Variants in PTPRM observed in about 807,000 individuals in gnomAD.
PTPRM encodes protein tyrosine phosphatase receptor type M.
A neutral mutation model predicts 186.7 loss-of-function variants in PTPRM; 47 were observed. The observed-to-expected ratio is 0.25, with a 90% CI of 0.20 to 0.32. The LOEUF is 0.32. PTPRM is among the 10% of genes least tolerant of loss of function. The probability of loss-of-function intolerance (pLI) is 1.00; values close to 1 mark genes in which losing one functional copy is unlikely to be tolerated. For synonymous variants in PTPRM, 668 were observed against 674.9 expected (o/e 0.99, Z 0.16); for missense variants, 1,494 against 1,865.0 (o/e 0.80, Z 3.66).
intron 2 of PTPRM, among the ~76,000 whole-genome samples, chr18:7,807,529 C>T (rs1447374818): frequency 6.6e-6 from 1 of 152,172 alleles, no homozygotes; most frequent in Non-Finnish European, 1.5e-5. Context: ...TAAGGGATTT[C>T]TGGATGTCTA....
intron 8 of PTPRM, among the ~76,000 whole-genome samples, chr18:8,070,817 A>G (rs2089428195): frequency 6.6e-6 from 1 of 152,222 alleles, no homozygotes; most frequent in South Asian, 2.1e-4. Context: ...ATGTAGGAAG[A>G]CCATTAAACG....
intron 23 of PTPRM, among the ~76,000 whole-genome samples, chr18:8,344,474 A>ATATC (rs1318982857): frequency 1.7e-4 from 25 of 147,330 alleles, no homozygotes; most frequent in African/African-American, 6.2e-4. Context: ...ATATATATAT[A>ATATC]TCTAGCAAAA....
chr18:8,266,811 G>A (rs922293782), intron 19 of PTPRM, among the ~76,000 whole-genome samples: 3 of 152,092 alleles, frequency 2.0e-5, no homozygotes, highest in African/African-American at 7.2e-5. Flanking sequence ...GGGAGGCTGA[G>A]GCAGGAGAAT....
chr18:7,715,069 G>A (rs1411729054), intron 1 of PTPRM, among the ~76,000 whole-genome samples: 1 of 152,146 alleles, frequency 6.6e-6, no homozygotes, highest in Non-Finnish European at 1.5e-5. Context: ...GAAAATTTCA[G>A]GCCAGTATGC....
chr18:8,378,437 GCAC>G (rs766343987), intron 27 of PTPRM, 23 bp downstream of exon 27: 2 of 1,611,680 alleles, frequency 1.2e-6, no homozygotes, highest in South Asian at 2.2e-5. Context: ...TAAGGGAGGG[GCAC>G]TGCACGGTGA....
chr18:8,246,719 T>C (rs2094480127), intron 15 of PTPRM, among the ~76,000 whole-genome samples: 1 of 152,228 alleles, frequency 6.6e-6, no homozygotes, highest in South Asian at 2.1e-4. Context: ...GTGATACATT[T>C]CTATTTTGTA....
intron 9 of PTPRM, among the ~76,000 whole-genome samples, chr18:8,079,786 A>G (rs564367746): frequency 1.3e-5 from 2 of 152,252 alleles, no homozygotes; most frequent in South Asian, 2.1e-4. Flanking sequence ...AGATTTGGTT[A>G]TATAAAATTT....
At chr18:8,236,603 G>A (rs2094348339) in intron 14 of PTPRM, among the ~76,000 whole-genome samples, 2 of 152,072 alleles carry the variant, frequency 1.3e-5, no homozygotes, top group East Asian at 1.9e-4. Flanking sequence ...GTGAATTGGT[G>A]CAATCTTGGT....
intron 1 of PTPRM, among the ~76,000 whole-genome samples, chr18:7,580,583 A>G (rs1483070086): frequency 6.6e-6 from 1 of 152,194 alleles, no homozygotes; most frequent in Non-Finnish European, 1.5e-5. Flanking sequence ...TGATAGTCAT[A>G]AGTGATAACC....
At chr18:8,235,090 C>A (rs1013784769) in intron 14 of PTPRM, among the ~76,000 whole-genome samples, 3 of 151,962 alleles carry the variant, frequency 2.0e-5, no homozygotes, top group Non-Finnish European at 4.4e-5. Flanking sequence ...AAATGCTGGC[C>A]TTTTAGAATG....
chr18:7,872,088 A>G (rs1347029001), intron 2 of PTPRM, among the ~76,000 whole-genome samples: 1 of 152,224 alleles, frequency 6.6e-6, no homozygotes, highest in Admixed American at 6.5e-5. Context: ...ATCTCAGATT[A>G]TCCGTCATTG....
chr18:7,616,060 G>A (rs965086953), intron 1 of PTPRM, among the ~76,000 whole-genome samples: 2 of 152,166 alleles, frequency 1.3e-5, no homozygotes, highest in Non-Finnish European at 2.9e-5. Context: ...CTGCTGTGCC[G>A]CTAGGTTCCT....
At chr18:7,691,786 A>G (rs928698098) in intron 1 of PTPRM, among the ~76,000 whole-genome samples, 3 of 152,152 alleles carry the variant, frequency 2.0e-5, no homozygotes, top group Non-Finnish European at 4.4e-5. Flanking sequence ...AAACAAAAAA[A>G]CAATTGGTCA....
chr18:8,183,045 T>C (rs1434443447), intron 14 of PTPRM, among the ~76,000 whole-genome samples: 1 of 152,206 alleles, frequency 6.6e-6, no homozygotes, highest in Non-Finnish European at 1.5e-5. Flanking sequence ...CCCCCCAGAC[T>C]CAGCTACAGT....
intron 7 of PTPRM, among the ~76,000 whole-genome samples, chr18:7,979,119 A>G (rs950097094): frequency 1.3e-5 from 2 of 152,188 alleles, no homozygotes; most frequent in Non-Finnish European, 2.9e-5. Flanking sequence ...AAGGGAGGGC[A>G]GAGAGATGAT....
chr18:7,767,990 A>G (rs1339905256), intron 1 of PTPRM, among the ~76,000 whole-genome samples: 2 of 152,138 alleles, frequency 1.3e-5, no homozygotes, highest in African/African-American at 4.8e-5. Flanking sequence ...TTTTGCATAG[A>G]ACTTTGGGGG....
At position 8,379,307 on chromosome 18, in the gene PTPRM, G is replaced by C. The variant is rs1212955204; in HGVS notation, c.3753G>C (p.Glu1251Asp). 1 of 1,613,504 alleles carries C rather than the reference G, an allele frequency of 6.2e-7. No individual in the cohort carries two copies. The highest frequency in any genetic ancestry group is 8.5e-7 in the Non-Finnish European group (1 of 1,179,876). ...CLPFLITIDG[E>D]SSNYINAALM... ...CCTTCCTCATCACCATCGATGGGGA[G>C]AGCAGCAACTACATCAATGCTGCCC... The change falls in exon 28 of 33, where the codon GAG (glutamate) becomes GAC (aspartate). Residue 1251 changes from glutamate to aspartate, a missense_variant. Glu to Asp is a conservative substitution (Grantham distance 45). Around this residue, in one of 3 missense-constraint regions of PTPRM, gnomAD observed 1,107 missense variants for 1,350.2 expected, o/e 0.82. Coordinates refer to ENST00000580170, the MANE Select transcript of PTPRM (RefSeq NM_001105244.2).
intron 2 of PTPRM, among the ~76,000 whole-genome samples, chr18:7,845,293 C>T (rs533253320): frequency 6.6e-6 from 1 of 152,272 alleles, no homozygotes; most frequent in Admixed American, 6.5e-5. Flanking sequence ...AAAATTGTTG[C>T]ATTTCATGAG....
At chr18:8,260,815 A>G (rs1005702528) in intron 19 of PTPRM, among the ~76,000 whole-genome samples, 1 of 152,198 alleles carries the variant, frequency 6.6e-6, no homozygotes, top group Non-Finnish European at 1.5e-5. Context: ...GAATTTTGAG[A>G]CCAGCCCAGC....
Sources: gnomAD v4.1 joint callset for allele counts (sites outside exome capture counted in the v4.1 genomes callset) on GRCh38, gnomAD v4.1.1 for gene constraint, gnomAD v4.1.1 regional missense constraint, MANE v1.5 for transcripts, NCBI Gene and HGNC (gene_info 2026-07-23, HGNC 2026-07-21) for gene names.